The following ST8SIA4 variants were observed in gnomAD, a reference collection of about 807,000 sequenced individuals.
The protein encoded by ST8SIA4 is CMP-N-acetylneuraminate-poly-alpha-2,8-sialyltransferase.
ST8SIA4 carries 15 observed loss-of-function variants against 33.9 expected under a neutral mutation model. The observed-to-expected ratio is 0.44, with a 90% CI of 0.30 to 0.68. ST8SIA4 has a LOEUF of 0.68. Among genes scored for constraint, ST8SIA4 ranks in the 30% least tolerant of loss-of-function variants. The pLI is 0.10. For synonymous variants in ST8SIA4, 171 were observed against 151.2 expected (o/e 1.13, Z -0.96); for missense variants, 321 against 428.0 (o/e 0.75, Z 2.21).
chr5:100,856,619 G>T (rs1751819537), intron 3 of ST8SIA4, among the ~76,000 whole-genome samples: 2 of 152,228 alleles, frequency 1.3e-5, no homozygotes, highest in Admixed American at 1.3e-4. Flanking sequence ...GGCTCAAAAT[G>T]CCTCTTGTAT....
intron 4 of ST8SIA4, among the ~76,000 whole-genome samples, chr5:100,835,360 C>G (rs970253221): frequency 1.3e-5 from 2 of 152,076 alleles, no homozygotes; most frequent in African/African-American, 2.4e-5. Context: ...GTTATACTCA[C>G]ATGAAAGTAG....
At chr5:100,831,384 C>T (rs1203356428) in intron 4 of ST8SIA4, among the ~76,000 whole-genome samples, 1 of 152,100 alleles carries the variant, frequency 6.6e-6, no homozygotes, top group Non-Finnish European at 1.5e-5. Flanking sequence ...AGACAATCTC[C>T]AAAATGTAAC....
intron 3 of ST8SIA4, among the ~76,000 whole-genome samples, chr5:100,857,743 T>C (rs977370118): frequency 6.6e-6 from 1 of 152,028 alleles, no homozygotes; most frequent in African/African-American, 2.4e-5. Flanking sequence ...TTATCTCTCT[T>C]AATTAATATA....
intron 3 of ST8SIA4, among the ~76,000 whole-genome samples, chr5:100,866,701 A>G (rs984616083): frequency 3.3e-5 from 5 of 152,144 alleles, no homozygotes. Context: ...TACTACAATC[A>G]TATGTACTTT....
intron 3 of ST8SIA4, among the ~76,000 whole-genome samples, chr5:100,866,906 G>A (rs115548060): frequency 0.011 from 1,723 of 152,090 alleles, 43 homozygotes; most frequent in African/African-American, 0.039. Flanking sequence ...CATGAGCATT[G>A]TTAGGAACTT....
intron 2 of ST8SIA4, among the ~76,000 whole-genome samples, chr5:100,889,991 C>T (rs1752625335): frequency 6.6e-6 from 1 of 151,780 alleles, no homozygotes; most frequent in Non-Finnish European, 1.5e-5. Flanking sequence ...AAGAGGTAAA[C>T]TTGAGTGACT....
chr5:100,812,039 G>A lies in ST8SIA4; in HGVS notation c.888C>T (p.His296=), dbSNP rs1474632023. The A allele has an allele frequency of 1.2e-6, 2 of 1,614,090 alleles. No individual in the cohort carries two copies. The highest frequency in any genetic ancestry group is 2.2e-5 in the South Asian group (2 of 91,076). ...TLATRFCDEI[H]LYGFWPFPKD... ...TAGGGAAGGGCCAGAATCCATACAG[G>A]TGAATTTCATCACAGAATCTTGTGG... The change falls in exon 5 of 5, where the codon CAC becomes CAT. Residue 296 remains histidine, a synonymous_variant. Coordinates refer to ENST00000231461, the MANE Select transcript of ST8SIA4 (RefSeq NM_005668.6).
At chr5:100,888,192 A>G (rs1282893535) in intron 2 of ST8SIA4, among the ~76,000 whole-genome samples, 1 of 150,896 alleles carries the variant, frequency 6.6e-6, no homozygotes, top group Non-Finnish European at 1.5e-5. Flanking sequence ...ACCCTAGTAG[A>G]TTTTAAGGAA....
chr5:100,899,237 CTA>C (rs1375884687), intron 1 of ST8SIA4, among the ~76,000 whole-genome samples: 3 of 152,166 alleles, frequency 2.0e-5, no homozygotes, highest in Non-Finnish European at 2.9e-5. Flanking sequence ...TTGCATGAAA[CTA>C]AGCCTGAATA....
At position 100,902,884 on chromosome 5, in the gene ST8SIA4, T is replaced by C; in HGVS notation, c.72A>G (p.Glu24=). 1.2e-5 allele frequency: 20 copies of C among 1,614,216 alleles called. No individual in the cohort carries two copies. Among genetic ancestry groups the C allele is most frequent in the Non-Finnish European group, 1.6e-5 (19 of 1,180,044 alleles). ...CCTGGTGCTCCTCAGTTCTTGCTAT[T>C]TCTTTTGTCTTATAAAAGATCAGGA... The part of the protein sequence containing the change: ...SLLLIFYKTK[E]IARTEEHQET... Residue 24 remains glutamate, a synonymous_variant, in exon 1 of 5, where the codon GAA becomes GAG. Transcript: ENST00000231461.
chr5:100,833,875 G>A (rs1397377716), intron 4 of ST8SIA4, among the ~76,000 whole-genome samples: 1 of 151,968 alleles, frequency 6.6e-6, no homozygotes, highest in Non-Finnish European at 1.5e-5. Context: ...TGCACTTATC[G>A]TACGGTACTA....
chr5:100,846,481 T>A (rs923000725), intron 4 of ST8SIA4, among the ~76,000 whole-genome samples: 1 of 151,866 alleles, frequency 6.6e-6, no homozygotes, highest in Non-Finnish European at 1.5e-5. Flanking sequence ...AAATAAACAA[T>A]AGTCATACAT....
Position 100,902,861 on chromosome 5 carries a change from T to C in ST8SIA4, c.95A>G (p.Gln32Arg). Reference protein sequence around the residue: ...TKEIARTEEHQETQLIGDGEL... With the variant: ...TKEIARTEEHRETQLIGDGEL... Reference sequence around the variant, plus strand: ...CATTTACCCGATGAGTTGCGTCTCCTGGTGCTCCTCAGTTCTTGCTATTTC... The same window carrying C: ...CATTTACCCGATGAGTTGCGTCTCCCGGTGCTCCTCAGTTCTTGCTATTTC... Residue 32 changes from glutamine (Q) to arginine (R), a missense_variant, in exon 1 of 5, where the codon CAG (glutamine) becomes CGG (arginine). Transcript: ENST00000231461. 1 of 1,614,112 alleles carries C rather than the reference T, an allele frequency of 6.2e-7. No homozygotes were observed. Among genetic ancestry groups the C allele is most frequent in the Non-Finnish European group, 8.5e-7 (1 of 1,179,912 alleles).
intron 2 of ST8SIA4, among the ~76,000 whole-genome samples, chr5:100,894,030 T>C (rs1161784195): frequency 6.6e-6 from 1 of 152,148 alleles, no homozygotes; most frequent in Non-Finnish European, 1.5e-5. Flanking sequence ...CTTGTGACTT[T>C]TTCCTCATAA....
intron 4 of ST8SIA4, chr5:100,816,497 A>C (rs568544451): frequency 2.0e-4 from 107 of 527,292 alleles, no homozygotes; most frequent in Admixed American, 8.4e-4. Flanking sequence ...ACATTGGTGC[A>C]AAAGTAACTG....
At chr5:100,817,412 T>G (rs1326912019) in intron 4 of ST8SIA4, among the ~76,000 whole-genome samples, 1 of 152,142 alleles carries the variant, frequency 6.6e-6, no homozygotes, top group African/African-American at 2.4e-5. Context: ...TAAATAAATG[T>G]ATGTTTTTTG....
At chr5:100,836,804 T>C (rs973543693) in intron 4 of ST8SIA4, among the ~76,000 whole-genome samples, 19 of 152,002 alleles carry the variant, frequency 1.2e-4, no homozygotes, top group African/African-American at 4.6e-4. Flanking sequence ...TAGAAAACAC[T>C]GACTGAAACT....
At chr5:100,842,259 C>T (rs1751486075) in intron 4 of ST8SIA4, among the ~76,000 whole-genome samples, 1 of 151,702 alleles carries the variant, frequency 6.6e-6, no homozygotes, top group South Asian at 2.1e-4. Flanking sequence ...GACAGCAATT[C>T]TGGTGTATGC....
intron 4 of ST8SIA4, among the ~76,000 whole-genome samples, chr5:100,850,210 A>G (rs1215319247): frequency 1.3e-5 from 2 of 152,172 alleles, no homozygotes; most frequent in Non-Finnish European, 2.9e-5. Context: ...TAAAAATGGT[A>G]AATAACTTTA....
Sources: allele counts gnomAD v4.1 joint callset (sites outside exome capture counted in the v4.1 genomes callset), GRCh38; gene constraint gnomAD v4.1.1; transcripts MANE v1.5; gene names NCBI Gene and HGNC (gene_info 2026-07-23, HGNC 2026-07-21).